Variants in ARHGEF19 observed in about 807,000 individuals in gnomAD.
ARHGEF19 encodes the protein Rho guanine nucleotide exchange factor (GEF) 19.
A neutral mutation model predicts 87.6 loss-of-function variants in ARHGEF19; 92 were observed. The ratio of observed to expected loss-of-function variants is 1.05; its 90% CI spans 0.89 to 1.25. The LOEUF is 1.25. Ranked by LOEUF, ARHGEF19 falls within the 50% of genes most tolerant of loss-of-function variation. The probability of loss-of-function intolerance (pLI) is 0.00; values close to 1 mark genes in which losing one functional copy is unlikely to be tolerated. For missense variants in ARHGEF19, 1,054 were observed against 1,051.8 expected, an observed-to-expected ratio of 1.00 and a Z score of -0.03; for synonymous variants, 438 against 446.2, an observed-to-expected ratio of 0.98 and a Z score of 0.23.
chr1:16,199,953 C>T (rs571984165), intron 14 of ARHGEF19, among the ~76,000 whole-genome samples: 7 of 152,336 alleles, frequency 4.6e-5, no homozygotes, highest in Admixed American at 4.6e-4. Flanking sequence ...TGCCCCAGGG[C>T]CTTTGTGCTG....
Position 16,208,675 on chromosome 1 carries a change from C to A in ARHGEF19, c.380G>T (p.Arg127Leu). Residue 127 changes from arginine (R) to leucine (L), a missense_variant, in exon 2 of 16, where the codon CGG becomes CTG. Physicochemically the swap from Arg to Leu is moderately radical, Grantham distance 102. Coordinates refer to ENST00000270747, the MANE Select transcript of ARHGEF19 (RefSeq NM_153213.5). The part of the protein sequence containing the change: ...WSPRHTQPQR[R>L]ASHGSEKKSA... Reference sequence around the variant, plus strand: ...CTTCTTCTCCGAGCCGTGGCTGGCCCGGCGCTGTGGCTGTGTGTGTCGGGG... The same window carrying A: ...CTTCTTCTCCGAGCCGTGGCTGGCCAGGCGCTGTGGCTGTGTGTGTCGGGG... 6.2e-7 allele frequency: 1 copy of A among 1,606,992 alleles called. No homozygotes were observed. Among genetic ancestry groups the A allele is most frequent in the Non-Finnish European group, 8.5e-7 (1 of 1,177,808 alleles).
Position 16,205,162 on chromosome 1 carries a change from G to A in ARHGEF19, c.1671C>T (p.Cys557=). Residue 557 remains cysteine, a synonymous_variant, in exon 11 of 16, where the codon TGC becomes TGT. Coordinates refer to ENST00000270747, the MANE Select transcript of ARHGEF19 (RefSeq NM_153213.5). The surrounding 1 kb of genome is among the most constrained non-coding windows in gnomAD (Gnocchi z 5.8). ...FNALKELVQE[C]NASVQSMKRT... is the part of the protein sequence containing the mutation. ...TCTTCATGGACTGTACACTAGCATTGCACTCCTGCACCAGCTGGGGGAGCC... is the reference window on the plus strand; with the variant it reads ...TCTTCATGGACTGTACACTAGCATTACACTCCTGCACCAGCTGGGGGAGCC... 6.3e-7 allele frequency: 1 copy of A among 1,599,254 alleles called. No homozygotes were observed. The highest frequency in any genetic ancestry group is 8.5e-7 in the Non-Finnish European group (1 of 1,172,882).
Position 16,202,558 on chromosome 1 carries a change from C to T in ARHGEF19, c.1924G>A (p.Val642Ile), listed in dbSNP as rs376256089. The T allele has an allele frequency of 6.1e-5, 98 of 1,613,492 alleles. No homozygotes were observed. The highest frequency in any genetic ancestry group is 8.0e-5 in the African/African-American group (6 of 74,922). The change falls in exon 13 of 16, where the codon GTT becomes ATT. Residue 642 changes from valine to isoleucine, a missense_variant. Val to Ile is a conservative substitution (Grantham distance 29). Transcript: ENST00000270747. ...SRRKELGKFA[V>I]FVHAKMAELQ... is the part of the protein sequence containing the mutation. ...TCAGCCATCTTGGCATGGACGAAAA[C>T]GGCAAACTTCCCTAGCCTGGAGGAC...
chr1:16,205,883 C>T lies in ARHGEF19; in HGVS notation c.1451+48G>A, dbSNP rs778673674. On this transcript the variant is annotated intron_variant, in intron 8 of 15. Transcript: ENST00000270747. This position sits in a 1 kb window ranked among gnomAD's most constrained non-coding sequence, Gnocchi z 5.8. The stretch of plus-strand genomic sequence containing the variant: ...CCCAGCCCTCAGTGCCTACACCTGC[C>T]TGAGACTCCCTCCACGCCCCCGCCC... 2 of 1,563,458 alleles carry T rather than the reference C, an allele frequency of 1.3e-6. No individual in the cohort carries two copies. The highest frequency in any genetic ancestry group is 2.3e-5 in the East Asian group (1 of 42,638).
At position 16,208,769 on chromosome 1, in the gene ARHGEF19, G is replaced by T; in HGVS notation, c.286C>A (p.Pro96Thr). The change falls in exon 2 of 16, where the codon CCC (proline) becomes ACC (threonine). Residue 96 changes from proline to threonine, a missense_variant. Physicochemically the swap from Pro to Thr is conservative, Grantham distance 38 (BLOSUM62 -1). Transcript: ENST00000270747. ...DTEITSGGMR[P>T]SRAGSWPHCP... ...TGTGGCCAGCTGCCAGCCCTGCTGG[G>T]CCGCATCCCCCCGCTGGTGATCTCT... 6.2e-7 allele frequency: 1 copy of T among 1,613,046 alleles called. No homozygotes were observed. Among genetic ancestry groups the T allele is most frequent in the Non-Finnish European group, 8.5e-7 (1 of 1,179,680 alleles).
Position 16,207,197 on chromosome 1 carries a change from C to G in ARHGEF19, c.888G>C (p.Gln296His). Residue 296 changes from glutamine to histidine, a missense_variant, in exon 6 of 16, where the codon CAG becomes CAC. Transcript: ENST00000270747. This position sits in a 1 kb window ranked among gnomAD's most constrained non-coding sequence, Gnocchi z 4.0. ...GGGCGCTGGCCACGTCGCTGTATTC[C>G]TGATAGAGGACGGCTGGGGGAAAGA... ...SRFLLNSVLY[Q>H]EYSDVASARE... is the part of the protein sequence containing the mutation. 6.5e-7 allele frequency: 1 copy of G among 1,531,480 alleles called. No individual in the cohort carries two copies. Among genetic ancestry groups the G allele is most frequent in the Non-Finnish European group, 8.7e-7 (1 of 1,143,200 alleles). 94.9% of individuals were successfully genotyped at this position (1,531,480 alleles called of 1,614,324 possible).
chr1:16,200,874 C>T (rs771539824), intron 14 of ARHGEF19, among the ~76,000 whole-genome samples: 10 of 152,082 alleles, frequency 6.6e-5, no homozygotes, highest in Non-Finnish European at 1.2e-4. Flanking sequence ...GCACTCCAGC[C>T]TGGGGTACAG....
Position 16,206,640 on chromosome 1 carries a change from C to T in ARHGEF19, c.1138-300G>A. 1 of 553,372 alleles carries T rather than the reference C, an allele frequency of 1.8e-6. No individual in the cohort carries two copies. Among genetic ancestry groups the T allele is most frequent in the Non-Finnish European group, 3.2e-6 (1 of 313,226 alleles). The allele number at this position is 553,372 out of a possible 1,614,324, so 34.3% of individuals were successfully genotyped here. A position where few individuals can be genotyped will look rare whatever the true frequency, so the allele number is the denominator to read the frequency against. ...TGGCCCCGCCTTGTTCCGCGCCCAC[C>T]AGGCGTTTGCTCTTCCAATGGTTCC... On this transcript the variant is annotated intron_variant, in intron 6 of 15. Transcript: ENST00000270747. The surrounding 1 kb of genome is among the most constrained non-coding windows in gnomAD (Gnocchi z 4.6).
rs1241445104 is a variant in ARHGEF19 at position 16,206,911 on chromosome 1, C to T, written c.1137+37G>A. On this transcript the variant is annotated intron_variant, in intron 6 of 15. Transcript: ENST00000270747. This position sits in a 1 kb window ranked among gnomAD's most constrained non-coding sequence, Gnocchi z 4.6. ...AGTCCCCGGACCGCGTACTCCCCGG[C>T]CCGCCCCCGCCCCGCCGGGTCCCCG... 7.0e-6 allele frequency: 10 copies of T among 1,426,844 alleles called. No individual in the cohort carries two copies. In the East Asian group the frequency reaches 2.6e-4, roughly 38 times the overall value. 88.4% of individuals were successfully genotyped at this position (1,426,844 alleles called of 1,614,324 possible).
Position 16,202,593 on chromosome 1 carries a change from G to A in ARHGEF19, c.1908-19C>T. The A allele has an allele frequency of 6.2e-7, 1 of 1,607,680 alleles. No homozygotes were observed. The highest frequency in any genetic ancestry group is 2.2e-5 in the East Asian group (1 of 44,770). On this transcript the variant is annotated intron_variant, in intron 12 of 15. Coordinates refer to ENST00000270747, the MANE Select transcript of ARHGEF19 (RefSeq NM_153213.5). Reference sequence around the variant, plus strand: ...CCCTAGCCTGGAGGACCGGGGGAGGGGAGGTCAGCCTGGCCTGGGCCCTGG... The same window carrying A: ...CCCTAGCCTGGAGGACCGGGGGAGGAGAGGTCAGCCTGGCCTGGGCCCTGG...
chr1:16,207,903 G>T lies in ARHGEF19; in HGVS notation c.694+41C>A. ...GCATCGCCCACCCCCACCCCCACCC[G>T]GCATCTGGCTGCCCTCAGGGCCCAT... On this transcript the variant is annotated intron_variant, in intron 3 of 15. Coordinates refer to ENST00000270747, the MANE Select transcript of ARHGEF19 (RefSeq NM_153213.5). This position sits in a 1 kb window ranked among gnomAD's most constrained non-coding sequence, Gnocchi z 4.0. 1 of 453,266 alleles carries T rather than the reference G, an allele frequency of 2.2e-6. No homozygotes were observed. The allele number at this position is 453,266 out of a possible 1,614,324, so 28.1% of individuals were successfully genotyped here.
chr1:16,199,385 T>C (rs915517512), intron 14 of ARHGEF19, 131 bp from the exon 15 acceptor site: 6 of 721,892 alleles, frequency 8.3e-6, no homozygotes, highest in Middle Eastern at 3.5e-4. Context: ...TCTATTCCTC[T>C]GCCACTGCCA....
At position 16,205,330 on chromosome 1, in the gene ARHGEF19, C is replaced by T; in HGVS notation, c.1656+21G>A. ...AGGGGGGGCCTCAGGAGCCAAGCAG[C>T]CCCTGCCCTGCCCAGCTCACCTCCT... is the stretch of plus-strand genomic sequence containing the variant. On this transcript the variant is annotated intron_variant, in intron 10 of 15. Coordinates refer to ENST00000270747, the MANE Select transcript of ARHGEF19 (RefSeq NM_153213.5). This position sits in a 1 kb window ranked among gnomAD's most constrained non-coding sequence, Gnocchi z 5.8. 3 of 1,613,792 alleles carry T rather than the reference C, an allele frequency of 1.9e-6. No individual in the cohort carries two copies. The highest frequency in any genetic ancestry group is 1.7e-6 in the Non-Finnish European group (2 of 1,179,838).
In ARHGEF19 at chr1:16,207,680, C is replaced by T. The variant is rs1377786711; in HGVS notation, c.792G>A (p.Glu264=). The change falls in exon 4 of 16, where the codon GAG becomes GAA. Residue 264 remains glutamate, a synonymous_variant. Coordinates refer to ENST00000270747, the MANE Select transcript of ARHGEF19 (RefSeq NM_153213.5). This position sits in a 1 kb window ranked among gnomAD's most constrained non-coding sequence, Gnocchi z 4.0. ...GCCCAAACGGGAGGTGGTACCTGGG[C>T]TCGGACCAATCGCCCTCTCGTGAGT... The part of the protein sequence containing the change: ...PGDSREGDWS[E]PRLDTQEEPP... 1 of 1,614,084 alleles carries T rather than the reference C, an allele frequency of 6.2e-7. No homozygotes were observed. The highest frequency in any genetic ancestry group is 1.3e-5 in the African/African-American group (1 of 75,052).
chr1:16,211,302 C>T (rs1465617641), intron 1 of ARHGEF19, among the ~76,000 whole-genome samples: 4 of 152,110 alleles, frequency 2.6e-5, no homozygotes, highest in African/African-American at 9.7e-5. Flanking sequence ...CTGCAGGAAT[C>T]AGAAGTCCTC....
rs781404886 is a variant in ARHGEF19, at chr1:16,208,139, G to A, written c.499C>T (p.Gln167Ter). Residue 167 changes from glutamine to a stop codon, truncating the protein, a stop_gained, in exon 3 of 16, where the codon CAA becomes TAA. Transcript: ENST00000270747. LOFTEE classifies it high-confidence loss of function. ...AVFLEPGQVV[Q>*]EQALSTEEPR... ...TCCTCTGTGCTCAGGGCCTGCTCTT[G>A]CACTACCTGGCCAGGCTCTAGGAAG... is the stretch of plus-strand genomic sequence containing the variant. 3.7e-6 allele frequency: 6 copies of A among 1,613,496 alleles called. No individual in the cohort carries two copies. The highest frequency in any genetic ancestry group is 5.1e-6 in the Non-Finnish European group (6 of 1,179,540).
At chr1:16,210,323 G>A (rs368517967) in intron 1 of ARHGEF19, among the ~76,000 whole-genome samples, 1 of 152,188 alleles carries the variant, frequency 6.6e-6, no homozygotes, top group East Asian at 1.9e-4. Flanking sequence ...GCCTACCCTA[G>A]CCTGGCCTCG....
In ARHGEF19 at chr1:16,207,562, C is replaced by T. The variant is rs2081152500; in HGVS notation, c.834G>A (p.Arg278=). ...GAGACTGGCGCCGCTCGTTGGTGCT[C>T]CTGGACCCCAAAGGCGGCTCTTCCT... ...DTQEEPPLGS[R]STNERRQSRF... Residue 278 remains arginine, a synonymous_variant, in exon 5 of 16, where the codon AGG becomes AGA. Transcript: ENST00000270747. This position sits in a 1 kb window ranked among gnomAD's most constrained non-coding sequence, Gnocchi z 4.0. The T allele has an allele frequency of 6.2e-7, 1 of 1,613,984 alleles. No individual in the cohort carries two copies. Among genetic ancestry groups the T allele is most frequent in the African/African-American group, 1.3e-5 (1 of 75,008 alleles).
chr1:16,212,116 A>G (rs1014615515), intron 1 of ARHGEF19, among the ~76,000 whole-genome samples: 4 of 152,212 alleles, frequency 2.6e-5, no homozygotes, highest in Non-Finnish European at 5.9e-5. Context: ...GGCCGAGGAA[A>G]GTACCCTTGG....
Sources: gnomAD v4.1 joint callset for allele counts (sites outside exome capture counted in the v4.1 genomes callset) on GRCh38, gnomAD v4.1.1 for gene constraint, Gnocchi (gnomAD v3.1) non-coding constraint, MANE v1.5 for transcripts, NCBI Gene and HGNC (gene_info 2026-07-23, HGNC 2026-07-21) for gene names.